Variants in PSD3 observed in about 807,000 individuals in gnomAD.
PSD3 encodes pleckstrin and Sec7 domain containing 3.
PSD3 carries 49 observed loss-of-function variants against 105.5 expected under a neutral mutation model. The observed-to-expected ratio is 0.46, with a 90% CI of 0.37 to 0.59. PSD3 has a LOEUF of 0.59. PSD3 is among the 20% of genes least tolerant of loss of function. The pLI, the probability that PSD3 is intolerant of heterozygous loss-of-function variation, is 0.00. For synonymous variants in PSD3, 557 were observed against 457.8 expected, an observed-to-expected ratio of 1.22 and a Z score of -2.77; for missense variants, 1,561 against 1,263.8, an observed-to-expected ratio of 1.24 and a Z score of -3.57.
At chr8:18,932,105 A>G (rs1821788051) in intron 2 of PSD3, among the ~76,000 whole-genome samples, 1 of 152,218 alleles carries the variant, frequency 6.6e-6, no homozygotes, top group Non-Finnish European at 1.5e-5. Flanking sequence ...ACAGCTAAAC[A>G]CTGATTGGGT....
intron 8 of PSD3, among the ~76,000 whole-genome samples, chr8:18,783,305 G>A (rs890802639): frequency 1.3e-5 from 2 of 152,116 alleles, no homozygotes; most frequent in Non-Finnish European, 2.9e-5. Flanking sequence ...AAGGCCAATA[G>A]TAATGCCCTC....
intron 1 of PSD3, among the ~76,000 whole-genome samples, chr8:18,973,954 T>C (rs980673524): frequency 6.6e-6 from 1 of 152,208 alleles, no homozygotes; most frequent in Non-Finnish European, 1.5e-5. Flanking sequence ...TTGCACAGTG[T>C]CACATTGCTG....
intron 11 of PSD3, among the ~76,000 whole-genome samples, chr8:18,615,674 TAC>T (rs1367428681): frequency 6.6e-6 from 1 of 152,226 alleles, no homozygotes; most frequent in African/African-American, 2.4e-5. Context: ...CCTTTTTACA[TAC>T]CTTTTAAGAG....
intron 8 of PSD3, among the ~76,000 whole-genome samples, chr8:18,788,126 A>C (rs1469801173): frequency 6.6e-6 from 1 of 152,198 alleles, no homozygotes; most frequent in East Asian, 1.9e-4. Context: ...TCTTAAAGAA[A>C]ACCAGAAGGA....
In PSD3 at chr8:19,040,956, G is replaced by A. The variant is rs996907950; in HGVS notation, c.324+43250C>T. 4.6e-5 allele frequency among the ~76,000 whole-genome samples: 7 copies of A among 152,184 alleles called. No homozygotes were observed. The East Asian group carries it at 9.7e-4, about 21-fold the overall frequency. On this transcript the variant is annotated intron_variant, in intron 1 of 1. Coordinates refer to the PSD3 transcript ENST00000521475. ...CACCCAGGCTGGAGTGCAGAGACAC[G>A]ATCATAGCACATTGCAGCCTTGAAC...
intron 9 of PSD3, among the ~76,000 whole-genome samples, chr8:18,750,555 A>C (rs1805391872): frequency 6.6e-6 from 1 of 151,994 alleles, no homozygotes; most frequent in African/African-American, 2.4e-5. Context: ...CGAAAGAACA[A>C]ACCTTCCACA....
At chr8:18,626,965 C>T (rs1403534958) in intron 11 of PSD3, among the ~76,000 whole-genome samples, 2 of 152,080 alleles carry the variant, frequency 1.3e-5, no homozygotes, top group Non-Finnish European at 2.9e-5. Context: ...ACTGGAAAGA[C>T]GTTTCTTAAC....
intron 8 of PSD3, among the ~76,000 whole-genome samples, chr8:18,782,791 A>G (rs1158069702): frequency 1.3e-5 from 2 of 152,332 alleles, no homozygotes; most frequent in Admixed American, 6.5e-5. Flanking sequence ...GGGTGCCAGC[A>G]GTTAGGGGTA....
Position 18,633,283 on chromosome 8 carries a change from G to A in PSD3, c.2217-477C>T, listed in dbSNP as rs1807029756. Among the ~76,000 whole-genome samples, 4 of 152,130 alleles carry A rather than the reference G, an allele frequency of 2.6e-5. No individual in the cohort carries two copies. In the South Asian group the frequency reaches 8.3e-4, roughly 32 times the overall value. The stretch of plus-strand genomic sequence containing the variant: ...CAAAAGTGTTAGAGTCAGTCCAATG[G>A]ACAATAGTAAACAATATCCCCCAAA... On this transcript the variant is annotated intron_variant, in intron 10 of 15. Coordinates refer to ENST00000327040, the MANE Select transcript of PSD3 (RefSeq NM_015310.4).
At chr8:19,076,070 A>G (rs1408463093) in intron 1 of PSD3, among the ~76,000 whole-genome samples, 1 of 150,134 alleles carries the variant, frequency 6.7e-6, no homozygotes, top group Non-Finnish European at 1.5e-5. Context: ...ACGAAACAGT[A>G]TAAAAAGATA....
intron 9 of PSD3, among the ~76,000 whole-genome samples, chr8:18,685,090 A>T (rs894605993): frequency 6.6e-6 from 1 of 152,184 alleles, no homozygotes; most frequent in Non-Finnish European, 1.5e-5. Flanking sequence ...GTTTACAAAG[A>T]CCACTCTGGG....
chr8:18,572,596 C>A lies in PSD3; in HGVS notation c.2716G>T (p.Ala906Ser), dbSNP rs1802211512. ...AAVFSAPPFP[A>S]AIGSQKKFSR... ...AACTTCTTCTGAGAGCCGATTGCTGCTGGAAATGGTGGTGCAGAAAATACA... is the reference window on the plus strand; with the variant it reads ...AACTTCTTCTGAGAGCCGATTGCTGATGGAAATGGTGGTGCAGAAAATACA... The change falls in exon 14 of 16, where the codon GCA becomes TCA. Residue 906 changes from alanine to serine, a missense_variant. Coordinates refer to ENST00000327040, the MANE Select transcript of PSD3 (RefSeq NM_015310.4). 2 of 1,613,978 alleles carry A rather than the reference C, an allele frequency of 1.2e-6. No individual in the cohort carries two copies. The highest frequency in any genetic ancestry group is 1.1e-5 in the South Asian group (1 of 91,074).
intron 1 of PSD3, among the ~76,000 whole-genome samples, chr8:18,991,268 A>G (rs1304715768): frequency 6.6e-6 from 1 of 152,116 alleles, no homozygotes; most frequent in East Asian, 1.9e-4. Flanking sequence ...TTACTACAGA[A>G]GTGAACTTGG....
chr8:18,846,501 G>A (rs1815103948), intron 4 of PSD3, among the ~76,000 whole-genome samples: 1 of 152,126 alleles, frequency 6.6e-6, no homozygotes, highest in Non-Finnish European at 1.5e-5. Context: ...TGCTACTCCT[G>A]GGGAAACTCA....
intron 1 of PSD3, among the ~76,000 whole-genome samples, chr8:18,957,612 G>C (rs760229078): frequency 1.3e-5 from 2 of 152,288 alleles, no homozygotes; most frequent in Non-Finnish European, 2.9e-5. Flanking sequence ...AGCCTAGACA[G>C]GGAGGGCTGT....
intron 9 of PSD3, among the ~76,000 whole-genome samples, chr8:18,688,032 G>C (rs562071926): frequency 5.7e-4 from 87 of 152,200 alleles, no homozygotes; most frequent in African/African-American, 2.1e-3. Context: ...GCCTCCCAAA[G>C]TGCTGGGATT....
At chr8:18,611,494 T>C (rs1805260730) in intron 11 of PSD3, among the ~76,000 whole-genome samples, 3 of 152,324 alleles carry the variant, frequency 2.0e-5, no homozygotes, top group East Asian at 1.9e-4. Context: ...CTGAGTGACC[T>C]TGGACAAGTC....
chr8:18,691,645 A>C (rs1322002273), intron 9 of PSD3, among the ~76,000 whole-genome samples: 1 of 152,256 alleles, frequency 6.6e-6, no homozygotes, highest in East Asian at 1.9e-4. Flanking sequence ...TGTATATAAA[A>C]GGGTGAGTGC....
intron 1 of PSD3, among the ~76,000 whole-genome samples, chr8:19,036,553 GA>G (rs1246146839): frequency 6.6e-6 from 1 of 152,110 alleles, no homozygotes; most frequent in African/African-American, 2.4e-5. Flanking sequence ...AAGTACTAAA[GA>G]AACACAAAGA....
Sources: allele counts gnomAD v4.1 joint callset (sites outside exome capture counted in the v4.1 genomes callset), GRCh38; gene constraint gnomAD v4.1.1; transcripts MANE v1.5; gene names NCBI Gene and HGNC (gene_info 2026-07-23, HGNC 2026-07-21).